PIK3R5: variants seen among roughly 807,000 people sequenced by gnomAD.
PIK3R5 encodes phosphoinositide 3-kinase regulatory subunit 5.
A neutral mutation model predicts 94.9 loss-of-function variants in PIK3R5; 32 were observed. The ratio of observed to expected loss-of-function variants is 0.34; its 90% CI spans 0.25 to 0.45. The LOEUF is 0.45. Among genes scored for constraint, PIK3R5 ranks in the 20% least tolerant of loss-of-function variants. PIK3R5 has a pLI of 1.00. For missense variants in PIK3R5, 853 were observed against 1,144.6 expected, an observed-to-expected ratio of 0.75 and a Z score of 3.68; for synonymous variants, 443 against 479.4, an observed-to-expected ratio of 0.92 and a Z score of 0.99.
chr17:8,925,436 A>G lies in PIK3R5; in HGVS notation c.-13-13929T>C, dbSNP rs144874699. 2.2e-3 allele frequency among the ~76,000 whole-genome samples: 314 copies of G among 141,134 alleles called. 5 individuals carry two copies. The East Asian group carries it at 0.051, about 23-fold the overall frequency. The allele number at this position is 141,134 out of a possible 152,430, so 92.6% of individuals were successfully genotyped here. ...GGATAGGTAGATAGTAGATGGAGAG[A>G]TAGATAGTAGATGGATAGATAGTAG... is the stretch of plus-strand genomic sequence containing the variant. On this transcript the variant is annotated intron_variant, in intron 1 of 18. Transcript: ENST00000447110. This position sits in a 1 kb window ranked among gnomAD's most constrained non-coding sequence, Gnocchi z 5.1.
At chr17:8,965,246 GGAGC>G (rs1293485746) in intron 1 of PIK3R5, among the ~76,000 whole-genome samples, 2 of 152,266 alleles carry the variant, frequency 1.3e-5, no homozygotes, top group African/African-American at 4.8e-5. Context: ...GTTCCCCGCT[GGAGC>G]GGGCAGGGGA....
intron 1 of PIK3R5, among the ~76,000 whole-genome samples, chr17:8,964,248 T>C (rs2091621981): frequency 6.6e-6 from 1 of 151,920 alleles, no homozygotes; most frequent in Non-Finnish European, 1.5e-5. Context: ...AAAAATTAGC[T>C]GGGCGCCGTG....
intron 1 of PIK3R5, among the ~76,000 whole-genome samples, chr17:8,926,764 AT>A (rs1350809834): frequency 6.6e-6 from 1 of 152,196 alleles, no homozygotes; most frequent in Non-Finnish European, 1.5e-5. Flanking sequence ...GAGCCAAACC[AT>A]GTCACTACCC....
intron 1 of PIK3R5, among the ~76,000 whole-genome samples, chr17:8,943,721 C>T (rs1251214556): frequency 1.3e-5 from 2 of 151,898 alleles, no homozygotes; most frequent in South Asian, 2.1e-4. Flanking sequence ...TGCAGTGAGC[C>T]GAGATTGTGC....
Position 8,885,574 on chromosome 17 carries a change from G to A in PIK3R5, c.2128+655C>T, listed in dbSNP as rs1426700896. On this transcript the variant is annotated intron_variant, in intron 14 of 18. Coordinates refer to ENST00000447110, the MANE Select transcript of PIK3R5 (RefSeq NM_001142633.3). Reference sequence around the variant, plus strand: ...CTGCCTCCCCAAGGCCCCACCTACCGGACAACCCCGCCTCCCCATGGCCCT... The same window carrying A: ...CTGCCTCCCCAAGGCCCCACCTACCAGACAACCCCGCCTCCCCATGGCCCT... 4.9e-5 allele frequency among the ~76,000 whole-genome samples: 4 copies of A among 81,172 alleles called. 1 individual carries two copies. The highest frequency in any genetic ancestry group is 8.4e-4 in the South Asian group (2 of 2,374). The allele number at this position is 81,172 out of a possible 152,430, so 53.3% of individuals were successfully genotyped here. A position where few individuals can be genotyped will look rare whatever the true frequency, so the allele number is the denominator to read the frequency against.
intron 5 of PIK3R5, among the ~76,000 whole-genome samples, chr17:8,894,293 C>T (rs1290990319): frequency 2.0e-5 from 3 of 152,222 alleles, no homozygotes; most frequent in African/African-American, 7.2e-5. Context: ...CGCAGGGCTA[C>T]TCCTCGGTCC....
intron 1 of PIK3R5, among the ~76,000 whole-genome samples, chr17:8,927,287 A>C (rs1248964568): frequency 6.6e-6 from 1 of 152,248 alleles, no homozygotes; most frequent in Non-Finnish European, 1.5e-5. Context: ...CAAACTCCAC[A>C]GGGAAAATTG....
intron 3 of PIK3R5, among the ~76,000 whole-genome samples, 186 bp from the exon 4 acceptor site, chr17:8,905,923 CA>C (rs1354174585): frequency 6.6e-6 from 1 of 151,750 alleles, no homozygotes; most frequent in Non-Finnish European, 1.5e-5. Flanking sequence ...TTTCCCCTCC[CA>C]AACCCAACCA....
intron 1 of PIK3R5, chr17:8,916,621 A>G (rs2090636178): frequency 6.6e-5 from 10 of 152,156 alleles, no homozygotes; most frequent in Admixed American, 6.5e-4. Flanking sequence ...GGGACCCTGC[A>G]TGGGGCAGAA....
chr17:8,910,877 C>A (rs796473002), intron 2 of PIK3R5, among the ~76,000 whole-genome samples: 1 of 152,136 alleles, frequency 6.6e-6, no homozygotes, highest in East Asian at 1.9e-4. Flanking sequence ...TACAGCCAGG[C>A]GCCAGCCTTC....
At chr17:8,906,907 C>T (rs1234215073) in intron 3 of PIK3R5, among the ~76,000 whole-genome samples, 2 of 152,180 alleles carry the variant, frequency 1.3e-5, no homozygotes, top group Non-Finnish European at 2.9e-5. Context: ...TTCCCTAAGC[C>T]ATTTAATAAA....
At chr17:8,886,902 G>C (rs1428172841) in intron 12 of PIK3R5, among the ~76,000 whole-genome samples, 194 bp downstream of exon 12, 1 of 152,134 alleles carries the variant, frequency 6.6e-6, no homozygotes. Context: ...TCACTGCAGT[G>C]ACCCCAGCTC....
At position 8,888,718 on chromosome 17, in the gene PIK3R5, A is replaced by C; in HGVS notation, c.1069T>G (p.Ser357Ala). The change falls in exon 10 of 19, where the codon TCC (serine) becomes GCC (alanine). Residue 357 changes from serine to alanine, a missense_variant. This residue lies in a region of PIK3R5 where 319 missense variants were observed against 339.8 expected (regional missense o/e 0.94). Coordinates refer to ENST00000447110, the MANE Select transcript of PIK3R5 (RefSeq NM_001142633.3). This position sits in a 1 kb window ranked among gnomAD's most constrained non-coding sequence, Gnocchi z 7.8. Reference protein sequence around the residue: ...LSTSSLASHDSTLSLASSQAS... With the variant: ...LSTSSLASHDATLSLASSQAS... ...TGGGAGGATGCAAGGGACAAGGTGG[A>C]GTCATGGGACGCCAAAGAGCTGGTG... The C allele has an allele frequency of 6.2e-7, 1 of 1,613,788 alleles. No individual in the cohort carries two copies. Among genetic ancestry groups the C allele is most frequent in the Non-Finnish European group, 8.5e-7 (1 of 1,179,984 alleles).
chr17:8,948,042 T>TAAAAAAAAAAAAAAA (rs71135932), intron 1 of PIK3R5, among the ~76,000 whole-genome samples: 10 of 62,764 alleles, frequency 1.6e-4, no homozygotes, highest in Admixed American at 2.1e-4. Flanking sequence ...GACTCCGTCT[T>TAAAAAAAAAAAAAAA]AAAAAAAAAA....
At chr17:8,952,359 T>C in intron 1 of PIK3R5, among the ~76,000 whole-genome samples, 1 of 152,250 alleles carries the variant, frequency 6.6e-6, no homozygotes, top group South Asian at 2.1e-4. Context: ...GCTGGTGGAT[T>C]TCCCCTGAAT....
At chr17:8,902,927 C>A (rs766056906) in intron 5 of PIK3R5, among the ~76,000 whole-genome samples, 1 of 149,746 alleles carries the variant, frequency 6.7e-6, no homozygotes, top group Non-Finnish European at 1.5e-5. Flanking sequence ...GGCACTTGAA[C>A]CTCCACCTCC....
rs2090062438 is a variant in PIK3R5, at chr17:8,892,982, T to C, written c.482+604A>G. On this transcript the variant is annotated intron_variant, in intron 6 of 18. Coordinates refer to ENST00000447110, the MANE Select transcript of PIK3R5 (RefSeq NM_001142633.3). This position sits in a 1 kb window ranked among gnomAD's most constrained non-coding sequence, Gnocchi z 4.3. ...GAAATCATCTGGGGAGCCAAATTTGTTTCTTAAATGAAATAGAATAGAACA... is the reference window on the plus strand; with the variant it reads ...GAAATCATCTGGGGAGCCAAATTTGCTTCTTAAATGAAATAGAATAGAACA... Among the ~76,000 whole-genome samples, 1 of 152,146 alleles carries C rather than the reference T, an allele frequency of 6.6e-6. No individual in the cohort carries two copies. The highest frequency in any genetic ancestry group is 6.5e-5 in the Admixed American group (1 of 15,278).
At chr17:8,948,118 G>A (rs547486340) in intron 1 of PIK3R5, among the ~76,000 whole-genome samples, 18 of 150,482 alleles carry the variant, frequency 1.2e-4, no homozygotes, top group Admixed American at 2.0e-4. Context: ...AAAAGGACCC[G>A]TAAAGCTATT....
chr17:8,946,998 C>T (rs1025465958), intron 1 of PIK3R5, among the ~76,000 whole-genome samples: 17 of 152,296 alleles, frequency 1.1e-4, no homozygotes, highest in Middle Eastern at 3.4e-3. Context: ...AATGTGAGCT[C>T]CATGAGGGTC....
Sources: gnomAD v4.1 joint callset for allele counts (sites outside exome capture counted in the v4.1 genomes callset) on GRCh38, gnomAD v4.1.1 for gene constraint, gnomAD v4.1.1 regional missense constraint, Gnocchi (gnomAD v3.1) non-coding constraint, MANE v1.5 for transcripts, NCBI Gene and HGNC (gene_info 2026-07-23, HGNC 2026-07-21) for gene names.